Variants in VWA8 observed in about 807,000 individuals in gnomAD.
VWA8 encodes von Willebrand factor A domain-containing protein 8.
Under a neutral mutation model 241.5 loss-of-function variants are expected in VWA8, and 221 were observed. The observed-to-expected ratio is 0.91, with a 90% CI of 0.82 to 1.02. VWA8 has a LOEUF of 1.02. VWA8 is among the 50% of genes least tolerant of loss of function. The pLI is 0.00. For missense variants in VWA8, 2,322 were observed against 2,328.7 expected (o/e 1.00, Z 0.06); for synonymous variants, 852 against 827.1 (o/e 1.03, Z -0.52).
At chr13:41,894,908 C>A (rs2138089443) in intron 4 of VWA8, among the ~76,000 whole-genome samples, 1 of 151,964 alleles carries the variant, frequency 6.6e-6, no homozygotes, top group South Asian at 2.1e-4. Flanking sequence ...CTAAATTGAG[C>A]AACATTTTGC....
At chr13:41,757,112 G>A (rs1008846036) in intron 21 of VWA8, among the ~76,000 whole-genome samples, 7 of 151,450 alleles carry the variant, frequency 4.6e-5, no homozygotes, top group Non-Finnish European at 1.0e-4. Flanking sequence ...CCATGTGAGA[G>A]GAAAAACTAA....
chr13:41,865,631 T>C, intron 12 of VWA8, 105 bp downstream of exon 12: 1 of 1,255,794 alleles, frequency 8.0e-7, no homozygotes, highest in East Asian at 2.5e-5. Flanking sequence ...GTTCTTTACC[T>C]ATATAAAAAA....
chr13:41,784,709 T>TATATATATATAC (rs1276727795), intron 18 of VWA8, among the ~76,000 whole-genome samples: 1 of 60,250 alleles, frequency 1.7e-5, no homozygotes, highest in African/African-American at 5.0e-5. Flanking sequence ...TATATATATA[T>TATATATATATAC]ATATATATAT....
intron 21 of VWA8, among the ~76,000 whole-genome samples, chr13:41,737,501 G>A (rs2137873122): frequency 6.6e-6 from 1 of 152,322 alleles, no homozygotes; most frequent in Middle Eastern, 3.4e-3. Context: ...TATTAGGCAA[G>A]AAACTTCCTT....
At chr13:41,929,257 G>A (rs1211221127) in intron 2 of VWA8, among the ~76,000 whole-genome samples, 1 of 149,458 alleles carries the variant, frequency 6.7e-6, no homozygotes, top group African/African-American at 2.5e-5. Flanking sequence ...CCAGGCTTAA[G>A]CAATCCTCCC....
intron 12 of VWA8, among the ~76,000 whole-genome samples, chr13:41,834,310 T>C (rs911086789): frequency 2.0e-5 from 3 of 152,226 alleles, no homozygotes; most frequent in African/African-American, 7.2e-5. Context: ...GTTTCTTTTC[T>C]ATCACCTTCA....
At chr13:41,607,691 C>T (rs1309758863) in intron 39 of VWA8, among the ~76,000 whole-genome samples, 3 of 152,026 alleles carry the variant, frequency 2.0e-5, no homozygotes, top group Non-Finnish European at 4.4e-5. Flanking sequence ...ATTAAATTAG[C>T]GCATTATGGA....
At chr13:41,583,621 T>TG (rs925470577) in intron 42 of VWA8, among the ~76,000 whole-genome samples, 5 of 136,144 alleles carry the variant, frequency 3.7e-5, no homozygotes, top group Non-Finnish European at 6.1e-5. Flanking sequence ...CCAGCCTGGG[T>TG]GACCGAGCAA....
intron 12 of VWA8, among the ~76,000 whole-genome samples, chr13:41,851,210 C>G (rs1261716070): frequency 6.6e-6 from 1 of 151,710 alleles, no homozygotes; most frequent in Non-Finnish European, 1.5e-5. Context: ...GCACCCTATT[C>G]TCTGCAGAGT....
At chr13:41,923,969 C>G (rs190919841) in intron 2 of VWA8, among the ~76,000 whole-genome samples, 3 of 152,166 alleles carry the variant, frequency 2.0e-5, no homozygotes, top group Middle Eastern at 3.4e-3. Flanking sequence ...AGCATCAGAA[C>G]ACAAACACAC....
At chr13:41,651,926 C>T (rs995571937) in intron 37 of VWA8, among the ~76,000 whole-genome samples, 1 of 152,176 alleles carries the variant, frequency 6.6e-6, no homozygotes, top group African/African-American at 2.4e-5. Context: ...GTCCTGCCAT[C>T]CCACAAATGT....
At chr13:41,941,286 A>G (rs191245079) in intron 2 of VWA8, among the ~76,000 whole-genome samples, 1 of 152,352 alleles carries the variant, frequency 6.6e-6, no homozygotes, top group African/African-American at 2.4e-5. Context: ...ATAATTAAGC[A>G]TTTGTGACTA....
chr13:41,731,725 C>A (rs989208395), intron 22 of VWA8, among the ~76,000 whole-genome samples: 2 of 152,076 alleles, frequency 1.3e-5, no homozygotes, highest in African/African-American at 2.4e-5. Flanking sequence ...TGGGAGATAA[C>A]TGAATCATGG....
intron 37 of VWA8, among the ~76,000 whole-genome samples, chr13:41,649,843 C>T (rs1223521557): frequency 3.9e-5 from 6 of 152,180 alleles, no homozygotes; most frequent in African/African-American, 1.4e-4. Context: ...AGAAGGGCAG[C>T]ATTCCACCAC....
chr13:41,921,496 T>A (rs576388761), intron 2 of VWA8, among the ~76,000 whole-genome samples: 2 of 152,158 alleles, frequency 1.3e-5, no homozygotes. Flanking sequence ...GGAAGTCAAA[T>A]TGTCCCTGTT....
rs576040334 is a variant in VWA8 at position 41,885,121 on chromosome 13, C to T, written c.975+799G>A. Among the ~76,000 whole-genome samples, 240 of 152,238 alleles carry T rather than the reference C, an allele frequency of 1.6e-3. 1 individual carries two copies. Among genetic ancestry groups the T allele is most frequent in the African/African-American group, 5.4e-3 (225 of 41,532 alleles). On this transcript the variant is annotated intron_variant, in intron 8 of 44. Transcript: ENST00000379310. ...CACCAACTTAATATTGTCTGATAAG[C>T]CACTTTTTCCATATCATAAAATCCA...
intron 17 of VWA8, among the ~76,000 whole-genome samples, chr13:41,789,341 C>T (rs1566458312): frequency 6.6e-6 from 1 of 152,068 alleles, no homozygotes; most frequent in Non-Finnish European, 1.5e-5. Flanking sequence ...CTTTACTATC[C>T]TAGCTTCCCA....
intron 35 of VWA8, among the ~76,000 whole-genome samples, chr13:41,684,307 C>T (rs545008124): frequency 6.6e-6 from 1 of 151,538 alleles, no homozygotes; most frequent in African/African-American, 2.4e-5. Context: ...TAATACAATG[C>T]ATATAGACAC....
chr13:41,796,067 A>G (rs780582846), intron 17 of VWA8, among the ~76,000 whole-genome samples: 3 of 152,218 alleles, frequency 2.0e-5, no homozygotes. Flanking sequence ...ATTGTTCATA[A>G]TTTGAAATTA....
Sources: allele counts gnomAD v4.1 joint callset (sites outside exome capture counted in the v4.1 genomes callset), GRCh38; gene constraint gnomAD v4.1.1; transcripts MANE v1.5; gene names NCBI Gene and HGNC (gene_info 2026-07-23, HGNC 2026-07-21).